CPSF6: variants seen among roughly 807,000 people sequenced by gnomAD.
The protein encoded by CPSF6 is cleavage and polyadenylation specificity factor subunit 6.
CPSF6 carries 10 observed loss-of-function variants against 56.7 expected under a neutral mutation model. The ratio of observed to expected loss-of-function variants is 0.18; its 90% CI spans 0.11 to 0.30. CPSF6 has a LOEUF of 0.30. CPSF6 is among the 10% of genes least tolerant of loss of function. The pLI, the probability that CPSF6 is intolerant of heterozygous loss-of-function variation, is 1.00. For synonymous variants in CPSF6, 248 were observed against 244.8 expected (o/e 1.01, Z -0.12); for missense variants, 419 against 722.9 (o/e 0.58, Z 4.82).
rs1873252405 is a variant in CPSF6 at position 69,271,730 on chromosome 12, G to A, written c.*2222G>A. ...AATTTTGCAAAGTCCTTCTCTACCTGATAACACGTGAATGTATAGCAGTAA... is the reference window on the plus strand; with the variant it reads ...AATTTTGCAAAGTCCTTCTCTACCTAATAACACGTGAATGTATAGCAGTAA... On this transcript the variant is annotated 3_prime_UTR_variant, in exon 10 of 10. Transcript: ENST00000435070. The A allele has an allele frequency of 6.6e-6, 1 of 151,670 alleles. No individual in the cohort carries two copies. The highest frequency in any genetic ancestry group is 6.6e-5 in the Admixed American group (1 of 15,214). The allele number at this position is 151,670 out of a possible 1,614,324, so 9.4% of individuals were successfully genotyped here. A position where few individuals can be genotyped will look rare whatever the true frequency, so the allele number is the denominator to read the frequency against.
Position 69,259,081 on chromosome 12 carries a change from G to A in CPSF6, c.1186G>A (p.Gly396Ser). The change falls in exon 6 of 10, where the codon GGC (glycine) becomes AGC (serine). Residue 396 changes from glycine (G) to serine (S), a missense_variant. By Grantham distance (56) the Gly-to-Ser change is moderately conservative. Transcript: ENST00000435070. The stretch of plus-strand genomic sequence containing the variant: ...TCCACCATATGATAGGGGTGACTAT[G>A]GCCCCCCTGGAAGGTAAGTTAGTGT... ...RPPPYDRGDY[G>S]PPGREMDTAR... 1 of 1,600,498 alleles carries A rather than the reference G, an allele frequency of 6.2e-7. No individual in the cohort carries two copies. The highest frequency in any genetic ancestry group is 8.5e-7 in the Non-Finnish European group (1 of 1,179,062).
rs975001632 is a variant in CPSF6 at position 69,259,902 on chromosome 12, A to G, written c.1316-142A>G. 8.6e-6 allele frequency: 7 copies of G among 814,844 alleles called. No homozygotes were observed. In the Admixed American group the frequency reaches 2.2e-4, roughly 26 times the overall value. 50.5% of individuals were successfully genotyped at this position (814,844 alleles called of 1,614,324 possible). A position where few individuals can be genotyped will look rare whatever the true frequency, so the allele number is the denominator to read the frequency against. On this transcript the variant is annotated intron_variant, in intron 7 of 9. Coordinates refer to ENST00000435070, the MANE Select transcript of CPSF6 (RefSeq NM_007007.3). ...GAAAGGCTTTTGCAAATGGTGAAAC[A>G]CTGAAAGAAGACATTGTCTTGCATA...
rs185912363 is a variant in CPSF6, at chr12:69,240,379, T to C, written c.60+673T>C. Among the ~76,000 whole-genome samples the C allele has an allele frequency of 4.0e-3, 605 of 152,298 alleles. 2 individuals are homozygous for C. The highest frequency in any genetic ancestry group is 6.3e-3 in the Non-Finnish European group (431 of 68,010). ...GTGCGGGCTCATTTGCAACAAGTCC[T>C]TTGACTTTTGGAGCCACAGATAAAA... On this transcript the variant is annotated intron_variant, in intron 1 of 9. Coordinates refer to ENST00000435070, the MANE Select transcript of CPSF6 (RefSeq NM_007007.3).
chr12:69,249,167 G>A (rs796415749), intron 1 of CPSF6, among the ~76,000 whole-genome samples: 11,021 of 80,056 alleles, frequency 0.14, 3,752 homozygotes, highest in South Asian at 0.6. Flanking sequence ...GGGGGGGGGG[G>A]GGCTGAGGCA....
intron 9 of CPSF6, 27 bp downstream of exon 9, chr12:69,262,589 T>C (rs781389231): frequency 3.2e-6 from 5 of 1,583,650 alleles, no homozygotes; most frequent in Middle Eastern, 1.7e-4. Context: ...CCCTGTTAAA[T>C]GTGTGTGTAT....
In CPSF6 at chr12:69,259,003, A is replaced by G. The variant is rs1288317372; in HGVS notation, c.1108A>G (p.Met370Val). The G allele has an allele frequency of 1.9e-6, 3 of 1,612,062 alleles. No individual in the cohort carries two copies. The highest frequency in any genetic ancestry group is 2.5e-6 in the Non-Finnish European group (3 of 1,180,022). Residue 370 changes from methionine to valine, a missense_variant, in exon 6 of 10, where the codon ATG becomes GTG. Physicochemically the swap from Met to Val is conservative, Grantham distance 21. Transcript: ENST00000435070. ...CTTTCCTCCACCAACTAACAGTGGC[A>G]TGCCTACATCAGATAGCCGAGGTCC... ...AFFPPPTNSG[M>V]PTSDSRGPPP...
intron 1 of CPSF6, among the ~76,000 whole-genome samples, chr12:69,245,623 A>T (rs924675909): frequency 4.6e-5 from 7 of 152,138 alleles, no homozygotes; most frequent in African/African-American, 1.7e-4. Context: ...TCTGGAGAGG[A>T]AAGTCAAAAA....
intron 1 of CPSF6, among the ~76,000 whole-genome samples, chr12:69,250,036 A>G (rs1026636751): frequency 2.0e-5 from 3 of 152,140 alleles, no homozygotes; most frequent in Non-Finnish European, 2.9e-5. Context: ...GAATAATACA[A>G]CTTGCAAGAT....
chr12:69,264,562 T>C (rs185091837), intron 9 of CPSF6, among the ~76,000 whole-genome samples: 1 of 152,300 alleles, frequency 6.6e-6, no homozygotes, highest in East Asian at 1.9e-4. Flanking sequence ...GTTGACATTT[T>C]TCTTAATCAC....
chr12:69,252,908 C>T (rs891901842), intron 2 of CPSF6, 143 bp from the exon 3 acceptor site: 1 of 503,776 alleles, frequency 2.0e-6, no homozygotes. Flanking sequence ...AAATTGGAGT[C>T]TGACTGGCCA....
intron 3 of CPSF6, among the ~76,000 whole-genome samples, chr12:69,254,732 C>G (rs1321230117): frequency 6.6e-6 from 1 of 152,004 alleles, no homozygotes; most frequent in Non-Finnish European, 1.5e-5. Flanking sequence ...AACTTGTTGA[C>G]TAAAATAAGA....
intron 1 of CPSF6, among the ~76,000 whole-genome samples, chr12:69,241,935 A>AG (rs1353030725): frequency 1.3e-5 from 2 of 152,176 alleles, no homozygotes; most frequent in African/African-American, 4.8e-5. Flanking sequence ...CAAAAAAAAA[A>AG]AAAAGGTCAC....
At chr12:69,252,991 T>C in intron 2 of CPSF6, 60 bp from the exon 3 acceptor site, 2 of 942,630 alleles carry the variant, frequency 2.1e-6, no homozygotes, top group East Asian at 5.4e-5. Flanking sequence ...AAAACTAGAC[T>C]GGGATAATAA....
intron 1 of CPSF6, among the ~76,000 whole-genome samples, chr12:69,241,925 CAA>C (rs57273995): frequency 3.8e-4 from 49 of 128,834 alleles, no homozygotes; most frequent in East Asian, 4.6e-4. Flanking sequence ...GTTTCTGTAC[CAA>C]AAAAAAAAAA....
intron 3 of CPSF6, among the ~76,000 whole-genome samples, chr12:69,255,798 A>G (rs890853102): frequency 6.6e-6 from 1 of 152,074 alleles, no homozygotes; most frequent in Non-Finnish European, 1.5e-5. Flanking sequence ...TGGCCTCCCA[A>G]AGTGCTGAGA....
rs184797518 is a variant in CPSF6, at chr12:69,271,505, T to C, written c.*1997T>C. On this transcript the variant is annotated 3_prime_UTR_variant, in exon 10 of 10. Transcript: ENST00000435070. ...TGAAATGAAACTGGAAATTTTATAC[T>C]AATTAAATCCTTTATTTACCTTTTC... The C allele has an allele frequency of 1.1e-3, 164 of 151,908 alleles. No homozygotes were observed. Among genetic ancestry groups the C allele is most frequent in the African/African-American group, 3.9e-3 (164 of 41,560 alleles). 9.4% of individuals were successfully genotyped at this position (151,908 alleles called of 1,614,324 possible).
intron 1 of CPSF6, among the ~76,000 whole-genome samples, chr12:69,240,411 G>A (rs1296022107): frequency 6.6e-6 from 1 of 152,218 alleles, no homozygotes; most frequent in African/African-American, 2.4e-5. Flanking sequence ...AAAAGTCGGT[G>A]CGCTGGTCCT....
rs1263528311 is a variant in CPSF6 at position 69,272,236 on chromosome 12, C to CT, written c.*2732dup. 6.6e-6 allele frequency: 1 copy of CT among 151,024 alleles called. No individual in the cohort carries two copies. Among genetic ancestry groups the CT allele is most frequent in the Non-Finnish European group, 1.5e-5 (1 of 67,500 alleles). The allele number at this position is 151,024 out of a possible 1,614,324, so 9.4% of individuals were successfully genotyped here. ...TCATAGTTTAGCCCATTTAATGGTCCTTTTACCTAGAATGTTCTTAAGCAG... is the reference window on the plus strand; with the variant it reads ...TCATAGTTTAGCCCATTTAATGGTCCTTTTTACCTAGAATGTTCTTAAGCAG... On this transcript the variant is annotated 3_prime_UTR_variant, in exon 10 of 10. Coordinates refer to ENST00000435070, the MANE Select transcript of CPSF6 (RefSeq NM_007007.3).
intron 1 of CPSF6, among the ~76,000 whole-genome samples, chr12:69,247,147 TGAAG>T (rs747808630): frequency 6.6e-5 from 10 of 152,120 alleles, no homozygotes; most frequent in Non-Finnish European, 7.4e-5. Context: ...AGTAACTTCT[TGAAG>T]GGAGGGAGGA....
Sources: allele counts gnomAD v4.1 joint callset (sites outside exome capture counted in the v4.1 genomes callset), GRCh38; gene constraint gnomAD v4.1.1; transcripts MANE v1.5; gene names NCBI Gene and HGNC (gene_info 2026-07-23, HGNC 2026-07-21).